The following MYLK4 variants were observed in gnomAD, a reference collection of about 807,000 sequenced individuals.
The protein encoded by MYLK4 is caMLCK like.
MYLK4 carries 46 observed loss-of-function variants against 48.1 expected under a neutral mutation model. The observed-to-expected ratio is 0.96, with a 90% confidence interval of 0.75 to 1.22. The LOEUF (loss-of-function observed/expected upper bound fraction) is 1.22, where lower values mean the gene tolerates loss of function less well. Among genes scored for constraint, MYLK4 ranks in the 50% most tolerant of loss-of-function variants. MYLK4 has a pLI of 0.00. For synonymous variants in MYLK4, 170 were observed against 180.8 expected, an observed-to-expected ratio of 0.94 and a Z score of 0.48; for missense variants, 451 against 486.1, an observed-to-expected ratio of 0.93 and a Z score of 0.68.
intron 7 of MYLK4, among the ~76,000 whole-genome samples, chr6:2,682,727 C>T (rs139695820): frequency 1.8e-4 from 27 of 152,278 alleles, no homozygotes; most frequent in African/African-American, 5.8e-4. Context: ...ACGTGGATAC[C>T]GCTGTGGTGG....
chr6:2,720,203 G>C (rs1028413000), intron 2 of MYLK4, among the ~76,000 whole-genome samples: 1 of 152,038 alleles, frequency 6.6e-6, no homozygotes, highest in African/African-American at 2.4e-5. Context: ...AGGAGATCGA[G>C]ACCATCCTGG....
At position 2,683,109 on chromosome 6, in the gene MYLK4, G is replaced by A. The variant is rs577269576; in HGVS notation, c.599C>T (p.Thr200Met). 43 of 1,613,992 alleles carry A rather than the reference G, an allele frequency of 2.7e-5. No homozygotes were observed. The highest frequency in any genetic ancestry group is 2.2e-4 in the South Asian group (20 of 91,082). The change falls in exon 7 of 13, where the codon ACG (threonine) becomes ATG (methionine). Residue 200 changes from threonine to methionine, a missense_variant. Physicochemically the swap from Thr to Met is moderately conservative, Grantham distance 81. Transcript: ENST00000274643. ...DRIIDESYNL[T>M]ELDTILFMKQ... ...CATGAACAGGATGGTATCAAGCTCCGTCAAATTGTAGCTCTCATCGATGAT... is the reference window on the plus strand; with the variant it reads ...CATGAACAGGATGGTATCAAGCTCCATCAAATTGTAGCTCTCATCGATGAT...
chr6:2,683,372 A>G (rs1021924171), intron 6 of MYLK4, among the ~76,000 whole-genome samples: 1 of 144,080 alleles, frequency 6.9e-6, no homozygotes, highest in Non-Finnish European at 1.5e-5. Context: ...GGAAATCCTC[A>G]AGCCAACTCC....
chr6:2,728,274 CG>C (rs1269925621), intron 2 of MYLK4, among the ~76,000 whole-genome samples: 1 of 152,162 alleles, frequency 6.6e-6, no homozygotes, highest in African/African-American at 2.4e-5. Context: ...AGGTGTTTTT[CG>C]TATGTAAGAC....
At chr6:2,709,575 C>T (rs1762602143) in intron 2 of MYLK4, among the ~76,000 whole-genome samples, 1 of 152,248 alleles carries the variant, frequency 6.6e-6, no homozygotes, top group Non-Finnish European at 1.5e-5. Context: ...AAGTACAGCA[C>T]ATGGCAACCC....
chr6:2,668,836 G>C (rs1309251966), intron 12 of MYLK4, among the ~76,000 whole-genome samples: 1 of 152,150 alleles, frequency 6.6e-6, no homozygotes, highest in Non-Finnish European at 1.5e-5. Flanking sequence ...TTGGGAGGCA[G>C]AGGCAGGAGG....
At chr6:2,725,488 A>G (rs2113302494) in intron 2 of MYLK4, among the ~76,000 whole-genome samples, 1 of 151,872 alleles carries the variant, frequency 6.6e-6, no homozygotes, top group South Asian at 2.1e-4. Flanking sequence ...AAAGAAAGGA[A>G]GAAAGAGAGG....
intron 6 of MYLK4, among the ~76,000 whole-genome samples, chr6:2,684,188 G>A (rs1490455048): frequency 1.3e-5 from 2 of 152,104 alleles, no homozygotes; most frequent in East Asian, 1.9e-4. Flanking sequence ...CAAGCATGGC[G>A]ATGCCTCCAC....
In MYLK4 at chr6:2,703,362, G is replaced by A. The variant is rs184954854; in HGVS notation, c.160-10503C>T. ...TCCCTGCAAGTTCATTATTAGGTAC[G>A]GAATCAAAGTGTGCTTTGAAAGTCA... On this transcript the variant is annotated intron_variant, in intron 2 of 12. Coordinates refer to ENST00000274643, the MANE Select transcript of MYLK4 (RefSeq NM_001012418.5). Among the ~76,000 whole-genome samples, 465 of 152,232 alleles carry A rather than the reference G, an allele frequency of 3.1e-3. 1 individual carries two copies. Among genetic ancestry groups the A allele is most frequent in the African/African-American group, 0.011 (443 of 41,524 alleles).
intron 2 of MYLK4, among the ~76,000 whole-genome samples, chr6:2,711,159 A>G (rs1488825034): frequency 6.6e-6 from 1 of 152,190 alleles, no homozygotes; most frequent in Non-Finnish European, 1.5e-5. Flanking sequence ...GCTCAGGTTC[A>G]TATCAGTCCA....
In MYLK4 at chr6:2,695,225, G is replaced by A. The variant is rs999429156; in HGVS notation, c.160-2366C>T. On this transcript the variant is annotated intron_variant, in intron 2 of 12. Transcript: ENST00000274643. ...TTCCCTTTTGAAATGAAAACTTCTG[G>A]TGTATCAATAGACATTGTGCTTCTG... is the stretch of plus-strand genomic sequence containing the variant. Among the ~76,000 whole-genome samples the A allele has an allele frequency of 3.9e-5, 6 of 152,290 alleles. No individual in the cohort carries two copies. In the South Asian group the frequency reaches 1.0e-3, roughly 26 times the overall value.
At position 2,665,739 on chromosome 6, in the gene MYLK4, G is replaced by T. The variant is rs12526698; in HGVS notation, c.*2186C>A. The T allele has an allele frequency of 0.55, 83,380 of 152,044 alleles. 23,451 individuals are homozygous for T. Among genetic ancestry groups the T allele is most frequent in the East Asian group, 0.8 (4,142 of 5,156 alleles). The allele number at this position is 152,044 out of a possible 1,614,324, so 9.4% of individuals were successfully genotyped here. A position where few individuals can be genotyped will look rare whatever the true frequency, so the allele number is the denominator to read the frequency against. On this transcript the variant is annotated 3_prime_UTR_variant, in exon 13 of 13. Coordinates refer to ENST00000274643, the MANE Select transcript of MYLK4 (RefSeq NM_001012418.5). ...CACACCACAGGACAGAAAACGCCCT[G>T]CCACGAGGGGCTTCAAATCAGACCC...
At chr6:2,769,868 C>T in the MYLK4 span, among the ~76,000 whole-genome samples, 285 of 152,330 alleles carry the variant, frequency 1.9e-3, no homozygotes, top group African/African-American at 6.7e-3. Flanking sequence ...TAGAATTCTA[C>T]TTAAAGCTAT....
At chr6:2,717,366 T>C (rs1009519854) in intron 2 of MYLK4, among the ~76,000 whole-genome samples, 1 of 152,168 alleles carries the variant, frequency 6.6e-6, no homozygotes, top group Non-Finnish European at 1.5e-5. Context: ...AGCAGGTCCC[T>C]AAGCAGACCT....
chr6:2,754,071 T>G (rs568627836), upstream of MYLK4, among the ~76,000 whole-genome samples: 1 of 149,740 alleles, frequency 6.7e-6, no homozygotes, highest in South Asian at 2.1e-4. Context: ...CCTCACCAAA[T>G]ATGTTGATGG....
intron 2 of MYLK4, among the ~76,000 whole-genome samples, chr6:2,742,072 T>C (rs1349166850): frequency 6.7e-6 from 1 of 149,270 alleles, no homozygotes; most frequent in African/African-American, 2.5e-5. Context: ...TATAATGTTT[T>C]ATGATTGCTT....
chr6:2,728,421 A>G (rs1763361884), intron 2 of MYLK4, among the ~76,000 whole-genome samples: 1 of 148,050 alleles, frequency 6.8e-6, no homozygotes, highest in South Asian at 2.2e-4. Flanking sequence ...TAAAAAAAAC[A>G]AAACAGTCTG....
At chr6:2,763,765 C>G in the MYLK4 span, among the ~76,000 whole-genome samples, 4 of 152,132 alleles carry the variant, frequency 2.6e-5, no homozygotes, top group Admixed American at 2.6e-4. Flanking sequence ...GGAGTGGACG[C>G]CAAGGCAGAG....
chr6:2,676,085 C>T (rs1274349285), intron 10 of MYLK4, among the ~76,000 whole-genome samples: 1 of 99,448 alleles, frequency 1.0e-5, no homozygotes, highest in Non-Finnish European at 2.1e-5. Flanking sequence ...GTGTGAGATT[C>T]TGTCTCAAAA....
Sources: gnomAD v4.1 joint callset for allele counts (sites outside exome capture counted in the v4.1 genomes callset) on GRCh38, gnomAD v4.1.1 for gene constraint, MANE v1.5 for transcripts, NCBI Gene and HGNC (gene_info 2026-07-23, HGNC 2026-07-21) for gene names.